Variants in SH3BGRL2 observed in about 807,000 individuals in gnomAD.
SH3BGRL2 encodes the protein SH3 domain binding glutamate rich protein like 2.
Under a neutral mutation model 14.8 loss-of-function variants are expected in SH3BGRL2, and 21 were observed. That is an observed-to-expected ratio of 1.42 (90% CI 1.01 to 2.05). The LOEUF is 2.05. Among genes scored for constraint, SH3BGRL2 ranks in the 30% most tolerant of loss-of-function variants. The pLI, the probability that SH3BGRL2 is intolerant of heterozygous loss-of-function variation, is 0.00. For synonymous variants in SH3BGRL2, 50 were observed against 47.8 expected (o/e 1.05, Z -0.19); for missense variants, 147 against 130.8 (o/e 1.12, Z -0.61).
At chr6:79,557,625 G>A in the SH3BGRL2 span, among the ~76,000 whole-genome samples, 3 of 152,072 alleles carry the variant, frequency 2.0e-5, no homozygotes, top group African/African-American at 7.2e-5. Context: ...TCTTCCAAAG[G>A]TAATTATGTT....
At chr6:79,662,656 T>G (rs189614005) in intron 1 of SH3BGRL2, among the ~76,000 whole-genome samples, 189 of 152,286 alleles carry the variant, frequency 1.2e-3, no homozygotes, top group African/African-American at 4.3e-3. Flanking sequence ...GTATCTTTGT[T>G]GTGTTCTCTG....
At chr6:79,641,024 G>C (rs1769021507) in intron 1 of SH3BGRL2, among the ~76,000 whole-genome samples, 1 of 152,132 alleles carries the variant, frequency 6.6e-6, no homozygotes, top group South Asian at 2.1e-4. Flanking sequence ...AAAACCCAAA[G>C]AGCAATAAGC....
intron 2 of SH3BGRL2, among the ~76,000 whole-genome samples, chr6:79,676,185 TCA>T (rs371146286): frequency 1.3e-5 from 2 of 152,136 alleles, no homozygotes; most frequent in African/African-American, 4.8e-5. Context: ...ATGGAAGGTC[TCA>T]CTCTCTAGCG....
intron 1 of SH3BGRL2, among the ~76,000 whole-genome samples, chr6:79,648,279 T>TATATATATAAAA (rs752182712): frequency 2.6e-5 from 3 of 117,186 alleles, no homozygotes; most frequent in Non-Finnish European, 5.2e-5. Context: ...TATATATATA[T>TATATATATAAAA]ATATTTGACA....
intron 1 of SH3BGRL2, among the ~76,000 whole-genome samples, chr6:79,653,882 C>T (rs1033543237): frequency 8.5e-5 from 13 of 152,274 alleles, no homozygotes; most frequent in African/African-American, 2.6e-4. Flanking sequence ...CAAGCTTCTT[C>T]ACTTGGTGGT....
chr6:79,619,550 T>C, the SH3BGRL2 span, among the ~76,000 whole-genome samples: 1 of 152,260 alleles, frequency 6.6e-6, no homozygotes, highest in Non-Finnish European at 1.5e-5. Context: ...TTGAGGTTTC[T>C]GCTAAGGCTT....
chr6:79,637,289 C>G (rs1459956901), intron 1 of SH3BGRL2, among the ~76,000 whole-genome samples: 1 of 152,108 alleles, frequency 6.6e-6, no homozygotes, highest in East Asian at 1.9e-4. Flanking sequence ...GATATGAACT[C>G]CTTTATGAAA....
At chr6:79,557,392 A>G in the SH3BGRL2 span, among the ~76,000 whole-genome samples, 1 of 152,044 alleles carries the variant, frequency 6.6e-6, no homozygotes, top group Admixed American at 6.5e-5. Flanking sequence ...TGAGTAGCTC[A>G]TGACAAGAAA....
chr6:79,562,154 G>A, the SH3BGRL2 span, among the ~76,000 whole-genome samples: 123 of 152,202 alleles, frequency 8.1e-4, no homozygotes, highest in African/African-American at 2.8e-3. Flanking sequence ...CACAAACTCA[G>A]AGTAAGACAT....
chr6:79,552,043 T>C, the SH3BGRL2 span, among the ~76,000 whole-genome samples: 1 of 152,124 alleles, frequency 6.6e-6, no homozygotes, highest in Non-Finnish European at 1.5e-5. Context: ...TGAGCTGAGA[T>C]TGTGCCACTT....
intron 1 of SH3BGRL2, among the ~76,000 whole-genome samples, chr6:79,664,775 G>A (rs1175313052): frequency 6.6e-6 from 1 of 152,200 alleles, no homozygotes; most frequent in East Asian, 1.9e-4. Context: ...AAGACGGAAA[G>A]ATGTTACATT....
chr6:79,572,289 C>T, the SH3BGRL2 span, among the ~76,000 whole-genome samples: 1 of 152,032 alleles, frequency 6.6e-6, no homozygotes, highest in Non-Finnish European at 1.5e-5. Context: ...TCTTCGTGCA[C>T]GTAATATGTA....
the SH3BGRL2 span, among the ~76,000 whole-genome samples, chr6:79,585,962 G>A: frequency 1.3e-5 from 2 of 151,790 alleles, no homozygotes; most frequent in East Asian, 3.9e-4. Context: ...TTGGGAGGCC[G>A]AGGCAGGCGG....
chr6:79,560,017 A>G, the SH3BGRL2 span, among the ~76,000 whole-genome samples: 1 of 152,006 alleles, frequency 6.6e-6, no homozygotes, highest in Non-Finnish European at 1.5e-5. Context: ...AAGGAGGAGG[A>G]GAAGGAGGAG....
chr6:79,555,022 C>T, the SH3BGRL2 span, among the ~76,000 whole-genome samples: 1 of 151,618 alleles, frequency 6.6e-6, no homozygotes, highest in Non-Finnish European at 1.5e-5. Context: ...ATTTTGTGAC[C>T]TACATAAAGA....
chr6:79,635,767 G>A (rs1768910292), intron 1 of SH3BGRL2, among the ~76,000 whole-genome samples: 1 of 152,224 alleles, frequency 6.6e-6, no homozygotes, highest in Non-Finnish European at 1.5e-5. Flanking sequence ...AGGACTTCAA[G>A]TGAGGGTGGG....
At chr6:79,677,418 C>T (rs1261371309) in intron 2 of SH3BGRL2, among the ~76,000 whole-genome samples, 1 of 152,142 alleles carries the variant, frequency 6.6e-6, no homozygotes, top group East Asian at 1.9e-4. Context: ...GGAAGGAGTT[C>T]CCCACTGAAT....
chr6:79,674,007 G>A (rs1027933470), intron 2 of SH3BGRL2, among the ~76,000 whole-genome samples: 1 of 152,102 alleles, frequency 6.6e-6, no homozygotes, highest in African/African-American at 2.4e-5. Context: ...TGTGTGGTAT[G>A]TGAATGTAAG....
chr6:79,701,602 A>ATTTTT lies in SH3BGRL2; in HGVS notation c.*2108_*2112dup, dbSNP rs3044146. 2 of 112,622 alleles carry ATTTTT rather than the reference A, an allele frequency of 1.8e-5. No homozygotes were observed. Among genetic ancestry groups the ATTTTT allele is most frequent in the Admixed American group, 9.3e-5 (1 of 10,754 alleles). The allele number at this position is 112,622 out of a possible 1,614,324, so 7.0% of individuals were successfully genotyped here. ...CAGTTATGTGCCATCTCCCCACCCCATTTTTTTTTTTTTTTTTTTGATCAG... is the reference window on the plus strand; with the variant it reads ...CAGTTATGTGCCATCTCCCCACCCCATTTTTTTTTTTTTTTTTTTTTTTTGATCAG... On this transcript the variant is annotated 3_prime_UTR_variant, in exon 4 of 4. Transcript: ENST00000369838.
Sources: gnomAD v4.1 joint callset for allele counts (sites outside exome capture counted in the v4.1 genomes callset) on GRCh38, gnomAD v4.1.1 for gene constraint, MANE v1.5 for transcripts, NCBI Gene and HGNC (gene_info 2026-07-23, HGNC 2026-07-21) for gene names.